The following HTRA3 variants were observed in gnomAD, a reference collection of about 807,000 sequenced individuals.
The protein encoded by HTRA3 is serine protease HTRA3.
HTRA3 carries 41 observed loss-of-function variants against 43.2 expected under a neutral mutation model. The ratio of observed to expected loss-of-function variants is 0.95; its 90% CI spans 0.74 to 1.23. HTRA3 has a LOEUF of 1.23. HTRA3 is among the 50% of genes most tolerant of loss of function. The pLI is 0.00. For synonymous variants in HTRA3, 295 were observed against 287.9 expected (o/e 1.02, Z -0.25); for missense variants, 628 against 647.1 (o/e 0.97, Z 0.32).
intron 6 of HTRA3, among the ~76,000 whole-genome samples, chr4:8,299,476 T>C (rs1354560234): frequency 1.3e-5 from 2 of 152,184 alleles, no homozygotes; most frequent in Non-Finnish European, 1.5e-5. Flanking sequence ...GAATGCCTTT[T>C]TTTTTTCTTG....
intron 1 of HTRA3, among the ~76,000 whole-genome samples, chr4:8,270,680 C>G (rs1279620135): frequency 3.3e-5 from 5 of 152,208 alleles, no homozygotes; most frequent in Non-Finnish European, 7.3e-5. Context: ...TGGACCCCTG[C>G]TCTGTCCGGG....
intron 1 of HTRA3, among the ~76,000 whole-genome samples, chr4:8,277,613 T>C (rs1388488749): frequency 5.9e-5 from 9 of 152,308 alleles, no homozygotes; most frequent in African/African-American, 1.9e-4. Context: ...GGGAACCACA[T>C]GTGCAAAGGC....
At chr4:8,292,756 A>C (rs1207592726) in intron 5 of HTRA3, among the ~76,000 whole-genome samples, 3 of 152,172 alleles carry the variant, frequency 2.0e-5, no homozygotes, top group African/African-American at 7.2e-5. Flanking sequence ...GCCTCATCCC[A>C]GGTGAGATTT....
chr4:8,293,586 C>G (rs1713325442), intron 5 of HTRA3, among the ~76,000 whole-genome samples: 2 of 152,042 alleles, frequency 1.3e-5, no homozygotes, highest in South Asian at 4.1e-4. Context: ...AGATCCTGCC[C>G]AAGTGGTACC....
chr4:8,286,902 TG>T lies in HTRA3; in HGVS notation c.708+122del, dbSNP rs1480433659. On this transcript the variant is annotated intron_variant, in intron 3 of 8. Coordinates refer to ENST00000307358, the MANE Select transcript of HTRA3 (RefSeq NM_053044.5). This position sits in a 1 kb window ranked among gnomAD's most constrained non-coding sequence, Gnocchi z 4.9. Reference sequence around the variant, plus strand: ...CTTCCATCAGCCAGGGGGAGGAAACTGGGCCCAGGGAGGACTGGCAGCTGGC... The same window carrying T: ...CTTCCATCAGCCAGGGGGAGGAAACTGGCCCAGGGAGGACTGGCAGCTGGC... 1.3e-6 allele frequency: 1 copy of T among 758,736 alleles called. No homozygotes were observed. The highest frequency in any genetic ancestry group is 2.2e-6 in the Non-Finnish European group (1 of 460,278). 47.0% of individuals were successfully genotyped at this position (758,736 alleles called of 1,614,324 possible). A position where few individuals can be genotyped will look rare whatever the true frequency, so the allele number is the denominator to read the frequency against.
At position 8,291,476 on chromosome 4, in the gene HTRA3, G is replaced by A. The variant is rs751172386; in HGVS notation, c.815G>A (p.Gly272Asp). The A allele has an allele frequency of 1.2e-6, 2 of 1,613,066 alleles. No homozygotes were observed. Among genetic ancestry groups the A allele is most frequent in the Non-Finnish European group, 1.7e-6 (2 of 1,179,996 alleles). The change falls in exon 4 of 9, where the codon GGC (glycine) becomes GAC (aspartate). Residue 272 changes from glycine (G) to aspartate (D), a missense_variant. Physicochemically the swap from Gly to Asp is moderately conservative, Grantham distance 94 (BLOSUM62 -1). Coordinates refer to ENST00000307358, the MANE Select transcript of HTRA3 (RefSeq NM_053044.5). ...GCCCTACAGAACACAGTGACAACGG[G>A]CATCGTCAGCACTGCCCAGCGGGAG... ...PFALQNTVTT[G>D]IVSTAQREGR... is the part of the protein sequence containing the mutation.
intron 6 of HTRA3, among the ~76,000 whole-genome samples, chr4:8,299,645 C>T (rs1713569207): frequency 6.6e-6 from 1 of 152,064 alleles, no homozygotes; most frequent in African/African-American, 2.4e-5. Context: ...TGAAAAGTTC[C>T]CTTCTATTTC....
intron 1 of HTRA3, among the ~76,000 whole-genome samples, chr4:8,278,084 A>G (rs1712600399): frequency 6.6e-6 from 1 of 152,174 alleles, no homozygotes; most frequent in Non-Finnish European, 1.5e-5. Flanking sequence ...TACAAACACA[A>G]GGTATCCCCA....
rs1040217204 is a variant in HTRA3, at chr4:8,279,922, C to T, written c.386-2515C>T. On this transcript the variant is annotated intron_variant, in intron 1 of 8. Coordinates refer to ENST00000307358, the MANE Select transcript of HTRA3 (RefSeq NM_053044.5). This position sits in a 1 kb window ranked among gnomAD's most constrained non-coding sequence, Gnocchi z 7.4. ...GCCCCCAGCTGAACCACTGTGTCTC[C>T]AGCAGCTGTCACAGGTGGGCACACA... Among the ~76,000 whole-genome samples the T allele has an allele frequency of 2.6e-5, 4 of 152,220 alleles. No homozygotes were observed. The East Asian group carries it at 5.8e-4, about 22-fold the overall frequency.
intron 1 of HTRA3, among the ~76,000 whole-genome samples, chr4:8,275,456 T>A (rs1196869806): frequency 6.6e-6 from 1 of 152,190 alleles, no homozygotes; most frequent in African/African-American, 2.4e-5. Flanking sequence ...CGCAGACCCC[T>A]GTGAAACCCC....
In HTRA3 at chr4:8,286,896, G is replaced by A; in HGVS notation, c.708+113G>A. On this transcript the variant is annotated intron_variant, in intron 3 of 8. Coordinates refer to ENST00000307358, the MANE Select transcript of HTRA3 (RefSeq NM_053044.5). The surrounding 1 kb of genome is among the most constrained non-coding windows in gnomAD (Gnocchi z 4.9). ...CCCCACCTTCCATCAGCCAGGGGGA[G>A]GAAACTGGGCCCAGGGAGGACTGGC... The A allele has an allele frequency of 2.6e-6, 2 of 784,152 alleles. No individual in the cohort carries two copies. The highest frequency in any genetic ancestry group is 4.2e-6 in the Non-Finnish European group (2 of 480,924). 48.6% of individuals were successfully genotyped at this position (784,152 alleles called of 1,614,324 possible).
intron 6 of HTRA3, among the ~76,000 whole-genome samples, chr4:8,298,229 G>T (rs1255505516): frequency 6.6e-6 from 1 of 152,338 alleles, no homozygotes; most frequent in East Asian, 1.9e-4. Context: ...GCCTTCCAGG[G>T]CCCACTGGAC....
At chr4:8,276,030 G>A (rs943978129) in intron 1 of HTRA3, among the ~76,000 whole-genome samples, 1 of 152,216 alleles carries the variant, frequency 6.6e-6, no homozygotes, top group African/African-American at 2.4e-5. Flanking sequence ...GCAAAGATAT[G>A]GCGAGGACAC....
chr4:8,282,590 GCCAGCTGCTGGGGCCCAAA>G, intron 2 of HTRA3, 54 bp downstream of exon 2: 1 of 1,372,328 alleles, frequency 7.3e-7, no homozygotes, highest in Non-Finnish European at 1.0e-6. Flanking sequence ...TGGTACACCC[GCCAGCTGCTGGGGCCCAAA>G]CCAGGCTTGA....
At chr4:8,270,610 G>C (rs1340624780) in intron 1 of HTRA3, among the ~76,000 whole-genome samples, 1 of 152,218 alleles carries the variant, frequency 6.6e-6, no homozygotes, top group Non-Finnish European at 1.5e-5. Context: ...GCCTCATCTA[G>C]GACTGTTTCC....
Position 8,306,131 on chromosome 4 carries a change from A to G in HTRA3, c.1357A>G (p.Met453Val). Residue 453 changes from methionine (M) to valine (V), a missense_variant, in exon 9 of 9, where the codon ATG (methionine) becomes GTG (valine). Coordinates refer to ENST00000307358, the MANE Select transcript of HTRA3 (RefSeq NM_053044.5). This position sits in a 1 kb window ranked among gnomAD's most constrained non-coding sequence, Gnocchi z 8.9. ...LLFSIAPEVVM is the reference protein window; with the variant it reads ...LLFSIAPEVVV ...CTTCAGCATCGCACCTGAGGTGGTC[A>G]TGTGAGGGGCGCATTCCTCCAGCGC... The G allele has an allele frequency of 2.5e-6, 4 of 1,575,758 alleles. No individual in the cohort carries two copies. The highest frequency in any genetic ancestry group is 3.5e-6 in the Non-Finnish European group (4 of 1,156,144).
chr4:8,292,606 T>A (rs146222685), intron 5 of HTRA3, among the ~76,000 whole-genome samples: 45 of 152,308 alleles, frequency 3.0e-4, no homozygotes, highest in Non-Finnish European at 3.4e-4. Context: ...CATGTGCCTG[T>A]CAGGGGAGCT....
At chr4:8,281,132 G>T (rs543798776) in intron 1 of HTRA3, among the ~76,000 whole-genome samples, 1 of 152,330 alleles carries the variant, frequency 6.6e-6, no homozygotes, top group South Asian at 2.1e-4. Context: ...AATGAATTGG[G>T]ATGTGCCTGG....
rs1265978469 is a variant in HTRA3 at position 8,291,514 on chromosome 4, G to C, written c.853G>C (p.Gly285Arg). Residue 285 changes from glycine (G) to arginine (R), a missense_variant, in exon 4 of 9, where the codon GGC (glycine) becomes CGC (arginine). Gly to Arg is a moderately radical substitution (Grantham distance 125, BLOSUM62 -2). Coordinates refer to ENST00000307358, the MANE Select transcript of HTRA3 (RefSeq NM_053044.5). ...TGCCCAGCGGGAGGGCAGGGAGCTG[G>C]GCCTCCGGGACTCCGACATGGACTA... ...STAQREGREL[G>R]LRDSDMDYIQ... 1 of 1,611,904 alleles carries C rather than the reference G, an allele frequency of 6.2e-7. No individual in the cohort carries two copies. The highest frequency in any genetic ancestry group is 8.5e-7 in the Non-Finnish European group (1 of 1,179,408).
Sources: gnomAD v4.1 joint callset for allele counts (sites outside exome capture counted in the v4.1 genomes callset) on GRCh38, gnomAD v4.1.1 for gene constraint, Gnocchi (gnomAD v3.1) non-coding constraint, MANE v1.5 for transcripts, NCBI Gene and HGNC (gene_info 2026-07-23, HGNC 2026-07-21) for gene names.